The following TMEM120B variants were observed in gnomAD, a reference collection of about 807,000 sequenced individuals.
TMEM120B encodes transmembrane protein 120B.
A neutral mutation model predicts 55.5 loss-of-function variants in TMEM120B; 31 were observed. That is an observed-to-expected ratio of 0.56 (90% CI 0.42 to 0.75). The LOEUF (loss-of-function observed/expected upper bound fraction) is 0.75, where lower values mean the gene tolerates loss of function less well. TMEM120B is among the 30% of genes least tolerant of loss of function. The pLI, the probability that TMEM120B is intolerant of heterozygous loss-of-function variation, is 0.00. For missense variants in TMEM120B, 399 were observed against 425.5 expected, an observed-to-expected ratio of 0.94 and a Z score of 0.55; for synonymous variants, 203 against 176.3, an observed-to-expected ratio of 1.15 and a Z score of -1.20.
intron 6 of TMEM120B, among the ~76,000 whole-genome samples, chr12:121,768,712 G>A (rs905731615): frequency 6.6e-6 from 1 of 152,182 alleles, no homozygotes; most frequent in Non-Finnish European, 1.5e-5. Context: ...GAGGAGCCTG[G>A]GGAGGCCAGC....
At chr12:121,749,151 G>A (rs1259705733) in intron 3 of TMEM120B, among the ~76,000 whole-genome samples, 1 of 152,222 alleles carries the variant, frequency 6.6e-6, no homozygotes, top group African/African-American at 2.4e-5. Context: ...TGTAGCGGGT[G>A]GGAGGGAGCT....
chr12:121,765,564 G>A (rs1873820324), intron 6 of TMEM120B, among the ~76,000 whole-genome samples: 1 of 152,200 alleles, frequency 6.6e-6, no homozygotes, highest in Non-Finnish European at 1.5e-5. Flanking sequence ...GTGGAGTCTG[G>A]AATGGGGCCT....
chr12:121,758,798 C>CA, intron 5 of TMEM120B: 1 of 976,050 alleles, frequency 1.0e-6, no homozygotes, highest in Non-Finnish European at 1.2e-6. Context: ...CGGCCTAGCC[C>CA]CGTGCTGTGG....
chr12:121,765,122 TTTCTTTC>T (rs1873805366), intron 6 of TMEM120B, among the ~76,000 whole-genome samples: 9 of 127,808 alleles, frequency 7.0e-5, no homozygotes, highest in Admixed American at 5.7e-4. Flanking sequence ...TTTTCTTTCT[TTTCTTTC>T]TTTTTTTTTT....
At chr12:121,749,334 G>A (rs533768549) in intron 3 of TMEM120B, among the ~76,000 whole-genome samples, 4 of 152,324 alleles carry the variant, frequency 2.6e-5, no homozygotes, top group African/African-American at 9.6e-5. Flanking sequence ...TCTGTCCCTA[G>A]GCCTCTGTGC....
intron 6 of TMEM120B, among the ~76,000 whole-genome samples, chr12:121,768,491 C>T (rs77150736): frequency 0.041 from 6,252 of 152,160 alleles, 211 homozygotes; most frequent in East Asian, 0.14. Flanking sequence ...TTACGATGTG[C>T]GTATGCGAGA....
chr12:121,760,610 C>T (rs1231480053), intron 5 of TMEM120B, among the ~76,000 whole-genome samples: 2 of 152,202 alleles, frequency 1.3e-5, no homozygotes, highest in East Asian at 1.9e-4. Context: ...TCCTAGTGCA[C>T]GTGCTTGAGC....
chr12:121,762,060 A>AT (rs1171337619), intron 6 of TMEM120B, among the ~76,000 whole-genome samples: 1 of 152,084 alleles, frequency 6.6e-6, no homozygotes, highest in African/African-American at 2.4e-5. Flanking sequence ...TGGGAGGCCG[A>AT]GGGGGGCAGA....
rs143958465 is a variant in TMEM120B, at chr12:121,713,659, C to T, written c.69+695C>T. 1.1e-3 allele frequency among the ~76,000 whole-genome samples: 165 copies of T among 152,180 alleles called. 1 individual carries two copies. In the East Asian group the frequency reaches 0.029, roughly 27 times the overall value. ...GAGGGCGGGTGTAAGGCGGGGGTCC[C>T]CTGAGAGAATGGCATTGCTGCTGGG... On this transcript the variant is annotated intron_variant, in intron 1 of 11. Coordinates refer to ENST00000449592, the MANE Select transcript of TMEM120B (RefSeq NM_001080825.2).
chr12:121,730,296 T>A (rs1350246025), intron 1 of TMEM120B, among the ~76,000 whole-genome samples: 2 of 149,746 alleles, frequency 1.3e-5, no homozygotes, highest in Non-Finnish European at 3.0e-5. Flanking sequence ...ATACATGCCA[T>A]GATACAGGTG....
At chr12:121,751,682 G>A (rs926951962) in intron 4 of TMEM120B, among the ~76,000 whole-genome samples, 2 of 119,708 alleles carry the variant, frequency 1.7e-5, no homozygotes, top group Admixed American at 2.0e-4. Context: ...CTTCCTCCAA[G>A]TCAGTATGTT....
At chr12:121,759,570 C>G (rs974693135) in intron 5 of TMEM120B, among the ~76,000 whole-genome samples, 65 of 151,808 alleles carry the variant, frequency 4.3e-4, no homozygotes, top group African/African-American at 1.4e-3. Flanking sequence ...CCCATCTACT[C>G]TGGAGGCTGA....
At chr12:121,762,564 C>A (rs779411910) in intron 6 of TMEM120B, among the ~76,000 whole-genome samples, 2 of 152,310 alleles carry the variant, frequency 1.3e-5, no homozygotes, top group Middle Eastern at 3.4e-3. Flanking sequence ...TGTGACTGGC[C>A]AGGCTGGAGC....
In TMEM120B at chr12:121,776,224, G is replaced by A; in HGVS notation, c.*502G>A. 7.9e-6 allele frequency: 2 copies of A among 253,642 alleles called. No individual in the cohort carries two copies. The highest frequency in any genetic ancestry group is 1.5e-5 in the Non-Finnish European group (2 of 134,622). 15.7% of individuals were successfully genotyped at this position (253,642 alleles called of 1,614,324 possible). The stretch of plus-strand genomic sequence containing the variant: ...CCCTCCTCGCCCACCCCGCCACGTG[G>A]TGAGGGTTATTTTAAGTTCTCAGAG... On this transcript the variant is annotated 3_prime_UTR_variant, in exon 12 of 12. Transcript: ENST00000449592.
chr12:121,773,590 C>T (rs1427660662), intron 9 of TMEM120B, 77 bp downstream of exon 9: 59 of 1,128,580 alleles, frequency 5.2e-5, no homozygotes, highest in South Asian at 4.6e-4. Flanking sequence ...TGCAGCCCTG[C>T]GAGCACCTCC....
intron 1 of TMEM120B, among the ~76,000 whole-genome samples, chr12:121,736,524 GATTACAGGTGTGAGCCACC>G (rs1186260246): frequency 1.3e-5 from 2 of 150,956 alleles, no homozygotes; most frequent in Admixed American, 1.3e-4. Flanking sequence ...AAAGTGCTGG[GATTACAGGTGTGAGCCACC>G]ATGCCCGGCC....
chr12:121,716,500 TG>T (rs1306959454), intron 1 of TMEM120B, among the ~76,000 whole-genome samples: 2 of 151,938 alleles, frequency 1.3e-5, no homozygotes, highest in Non-Finnish European at 2.9e-5. Flanking sequence ...TCATTGATTC[TG>T]GGGTGATGTG....
intron 1 of TMEM120B, among the ~76,000 whole-genome samples, chr12:121,721,687 C>G (rs1400890066): frequency 1.3e-5 from 2 of 150,724 alleles, no homozygotes; most frequent in East Asian, 3.9e-4. Context: ...CCAAGCTGGT[C>G]TTGAACTCCT....
chr12:121,779,521 G>A lies in TMEM120B; in HGVS notation c.*3799G>A, dbSNP rs1050136100. 2.2e-5 allele frequency: 35 copies of A among 1,612,770 alleles called. No homozygotes were observed. The East Asian group carries it at 2.5e-4, about 11-fold the overall frequency. On this transcript the variant is annotated 3_prime_UTR_variant, in exon 12 of 12. Transcript: ENST00000449592. ...GGTCAGAGCAGCAGGCAGAGCCGGCGCTTCTTCTGCCGTTGCGCCTTCTTC... is the reference window on the plus strand; with the variant it reads ...GGTCAGAGCAGCAGGCAGAGCCGGCACTTCTTCTGCCGTTGCGCCTTCTTC...
Sources: gnomAD v4.1 joint callset for allele counts (sites outside exome capture counted in the v4.1 genomes callset) on GRCh38, gnomAD v4.1.1 for gene constraint, MANE v1.5 for transcripts, NCBI Gene and HGNC (gene_info 2026-07-23, HGNC 2026-07-21) for gene names.